Variants in TAFA2 observed in about 807,000 individuals in gnomAD.
TAFA2 encodes TAFA chemokine like family member 2, also known as chemokine-like protein TAFA-2.
A neutral mutation model predicts 18.8 loss-of-function variants in TAFA2; 7 were observed. That is an observed-to-expected ratio of 0.37 (90% confidence interval 0.21 to 0.70). The LOEUF (loss-of-function observed/expected upper bound fraction) is 0.70, where lower values mean the gene tolerates loss of function less well. TAFA2 is among the 30% of genes least tolerant of loss of function. The probability of loss-of-function intolerance (pLI) is 0.53; values close to 1 mark genes in which losing one functional copy is unlikely to be tolerated. For synonymous variants in TAFA2, 60 were observed against 54.2 expected (o/e 1.11, Z -0.47); for missense variants, 122 against 158.1 (o/e 0.77, Z 1.23).
intron 4 of TAFA2, among the ~76,000 whole-genome samples, chr12:61,745,748 A>G (rs1459815239): frequency 6.6e-6 from 1 of 152,040 alleles, no homozygotes; most frequent in Non-Finnish European, 1.5e-5. Context: ...TGCAGATGTA[A>G]TTATGGTTGC....
At chr12:61,986,794 T>C (rs1239504978) in intron 1 of TAFA2, among the ~76,000 whole-genome samples, 1 of 152,208 alleles carries the variant, frequency 6.6e-6, no homozygotes, top group African/African-American at 2.4e-5. Flanking sequence ...CTGTTTTATA[T>C]GCTTGAAAAC....
chr12:62,239,294 G>T (rs1018691977), intron 1 of TAFA2, among the ~76,000 whole-genome samples: 3 of 152,086 alleles, frequency 2.0e-5, no homozygotes, highest in Non-Finnish European at 4.4e-5. Context: ...GTTCATTCTT[G>T]GTTCACATCT....
chr12:61,808,519 C>T (rs1871723321), intron 2 of TAFA2, among the ~76,000 whole-genome samples: 1 of 151,236 alleles, frequency 6.6e-6, no homozygotes, highest in Admixed American at 6.6e-5. Context: ...GGAAAACTAA[C>T]CTTAAAATAT....
intron 2 of TAFA2, among the ~76,000 whole-genome samples, chr12:61,829,274 G>A (rs1872631060): frequency 6.6e-6 from 1 of 151,708 alleles, no homozygotes; most frequent in Admixed American, 6.6e-5. Context: ...CCATGGATTT[G>A]AGAAGCTTGA....
chr12:61,955,614 AAAAAAAAAAAAAAAAAAAATATAT>A (rs1348311898), intron 1 of TAFA2, among the ~76,000 whole-genome samples: 2 of 32,946 alleles, frequency 6.1e-5, no homozygotes, highest in African/African-American at 1.9e-4. Context: ...AAAAAAAAAA[AAAAAAAAAAAAAAAAAAAATATAT>A]ATATATATAT....
intron 1 of TAFA2, among the ~76,000 whole-genome samples, chr12:62,200,395 A>G (rs534300747): frequency 4.6e-5 from 7 of 152,206 alleles, no homozygotes; most frequent in African/African-American, 1.7e-4. Context: ...TGGACTTTAC[A>G]TTTAAGTCTT....
intron 1 of TAFA2, among the ~76,000 whole-genome samples, chr12:61,996,550 T>A (rs1483337096): frequency 6.6e-6 from 1 of 152,198 alleles, no homozygotes; most frequent in African/African-American, 2.4e-5. Flanking sequence ...TACTCCAGTC[T>A]TCTGTGTCTC....
chr12:61,800,398 G>T (rs1592397269), intron 2 of TAFA2, among the ~76,000 whole-genome samples: 1 of 151,924 alleles, frequency 6.6e-6, no homozygotes, highest in East Asian at 1.9e-4. Context: ...GGAAACTGAA[G>T]GTAAGAAAAC....
At chr12:61,850,076 T>C (rs1873578661) in intron 2 of TAFA2, among the ~76,000 whole-genome samples, 2 of 152,148 alleles carry the variant, frequency 1.3e-5, no homozygotes, top group South Asian at 2.1e-4. Flanking sequence ...TGAGAACTGG[T>C]TCATAAAAGG....
chr12:62,163,085 A>C (rs769072819), intron 1 of TAFA2, among the ~76,000 whole-genome samples: 1 of 152,116 alleles, frequency 6.6e-6, no homozygotes, highest in Non-Finnish European at 1.5e-5. Context: ...GCTGGAAGAC[A>C]AAACCAGTAA....
At chr12:62,057,220 T>C (rs577586913) in intron 1 of TAFA2, among the ~76,000 whole-genome samples, 2 of 152,326 alleles carry the variant, frequency 1.3e-5, no homozygotes, top group South Asian at 4.1e-4. Context: ...TTTTCAAAAT[T>C]TTCCCCCTTT....
intron 2 of TAFA2, among the ~76,000 whole-genome samples, chr12:61,811,031 T>C (rs12316736): frequency 0.047 from 7,167 of 151,040 alleles, 858 homozygotes; most frequent in African/African-American, 0.17. Flanking sequence ...AATTAATACA[T>C]GTAGACAAAT....
intron 1 of TAFA2, among the ~76,000 whole-genome samples, chr12:62,242,740 G>A (rs2062868234): frequency 6.6e-6 from 1 of 152,180 alleles, no homozygotes. Context: ...ATAAATATCT[G>A]ATTAAGTTTT....
At chr12:62,184,745 T>A (rs183176635) in intron 1 of TAFA2, among the ~76,000 whole-genome samples, 3 of 151,922 alleles carry the variant, frequency 2.0e-5, no homozygotes, top group African/African-American at 7.3e-5. Flanking sequence ...AGTGATCCTC[T>A]TGCCTCAGCT....
intron 1 of TAFA2, among the ~76,000 whole-genome samples, chr12:62,005,239 G>A (rs1227082137): frequency 6.6e-6 from 1 of 152,012 alleles, no homozygotes; most frequent in African/African-American, 2.4e-5. Context: ...TTGCTTGACT[G>A]TAGTAATCAT....
chr12:61,841,614 T>G (rs1205233990), intron 2 of TAFA2, among the ~76,000 whole-genome samples: 3 of 152,126 alleles, frequency 2.0e-5, no homozygotes, highest in Admixed American at 2.0e-4. Flanking sequence ...CTGGAATTTC[T>G]TGGAATATTT....
chr12:61,839,313 T>C (rs1337013119), intron 2 of TAFA2, among the ~76,000 whole-genome samples: 7 of 152,060 alleles, frequency 4.6e-5, no homozygotes, highest in Admixed American at 2.6e-4. Context: ...TCTCAGTTGC[T>C]ACATAAGAAG....
At chr12:61,989,361 T>G (rs969800782) in intron 1 of TAFA2, among the ~76,000 whole-genome samples, 18 of 152,060 alleles carry the variant, frequency 1.2e-4, no homozygotes, top group African/African-American at 4.3e-4. Flanking sequence ...TAAGACATAT[T>G]GAAAAGCTGG....
intron 1 of TAFA2, chr12:62,070,711 C>T (rs763583275): frequency 3.3e-5 from 5 of 152,128 alleles, no homozygotes; most frequent in African/African-American, 4.8e-5. Flanking sequence ...GAATACTTTA[C>T]CTAAAGGCTA....
Sources: gnomAD v4.1 joint callset for allele counts (sites outside exome capture counted in the v4.1 genomes callset) on GRCh38, gnomAD v4.1.1 for gene constraint, MANE v1.5 for transcripts, NCBI Gene and HGNC (gene_info 2026-07-23, HGNC 2026-07-21) for gene names.